DGKD: variants seen among roughly 807,000 people sequenced by gnomAD.
DGKD encodes the protein DAG kinase delta.
DGKD carries 68 observed loss-of-function variants against 154.4 expected under a neutral mutation model. The ratio of observed to expected loss-of-function variants is 0.44; its 90% CI spans 0.36 to 0.54. DGKD has a LOEUF of 0.54. DGKD is among the 20% of genes least tolerant of loss of function. The pLI is 0.00. For missense variants in DGKD, 1,343 were observed against 1,593.6 expected, an observed-to-expected ratio of 0.84 and a Z score of 2.68; for synonymous variants, 693 against 638.0, an observed-to-expected ratio of 1.09 and a Z score of -1.30.
rs752123560 is a variant in DGKD at position 233,377,901 on chromosome 2, C to CCT, written c.157-10353_157-10352dup. 4.7e-4 allele frequency among the ~76,000 whole-genome samples: 71 copies of CCT among 152,082 alleles called. 1 individual carries two copies. The highest frequency in any genetic ancestry group is 2.0e-4 in the Admixed American group (3 of 15,270). On this transcript the variant is annotated intron_variant, in intron 1 of 29. Coordinates refer to ENST00000264057, the MANE Select transcript of DGKD (RefSeq NM_152879.3). ...TCACAGCTCACCGCAGCAGCCTCGA[C>CCT]CTCTTGGGCTCAGGTGATCCTCCCA... is the stretch of plus-strand genomic sequence containing the variant.
Position 233,470,887 on chromosome 2 carries a change from G to A in DGKD, c.*1427G>A, listed in dbSNP as rs962805068. ...CTCCCAAAGAGAAGGACAGTGTTGG[G>A]AGTATCTGCCGGCGCTGTCCAGGTC... On this transcript the variant is annotated 3_prime_UTR_variant, in exon 30 of 30. Coordinates refer to ENST00000264057, the MANE Select transcript of DGKD (RefSeq NM_152879.3). The A allele has an allele frequency of 2.6e-5, 4 of 151,192 alleles. No homozygotes were observed. Among genetic ancestry groups the A allele is most frequent in the African/African-American group, 9.7e-5 (4 of 41,052 alleles). 9.4% of individuals were successfully genotyped at this position (151,192 alleles called of 1,614,324 possible).
At chr2:233,432,352 CGTCTCT>C (rs2062551049) in intron 3 of DGKD, among the ~76,000 whole-genome samples, 7 of 133,298 alleles carry the variant, frequency 5.3e-5, no homozygotes, top group Non-Finnish European at 8.1e-5. Context: ...GGTGAAACCT[CGTCTCT>C]ACTAAAAATA....
chr2:233,428,742 A>G (rs1055909629), intron 3 of DGKD, among the ~76,000 whole-genome samples: 1 of 152,182 alleles, frequency 6.6e-6, no homozygotes, highest in Non-Finnish European at 1.5e-5. Context: ...TGCTTCTAGC[A>G]TCACTTTTCT....
intron 3 of DGKD, among the ~76,000 whole-genome samples, chr2:233,420,218 C>CT (rs1363002018): frequency 6.6e-6 from 1 of 152,186 alleles, no homozygotes; most frequent in East Asian, 1.9e-4. Flanking sequence ...TCAGCAGAGT[C>CT]TGGCTACTGG....
At position 233,390,393 on chromosome 2, in the gene DGKD, C is replaced by A; in HGVS notation, c.268-10C>A. 6.2e-7 allele frequency: 1 copy of A among 1,612,770 alleles called. No individual in the cohort carries two copies. Among genetic ancestry groups the A allele is most frequent in the South Asian group, 1.1e-5 (1 of 90,936 alleles). The stretch of plus-strand genomic sequence containing the variant: ...TATGTGCCTTAGTCCCTGTGTTTGT[C>A]TCTTTCTAGTCAATCATATTTGATG... On this transcript the variant is annotated splice_polypyrimidine_tract_variant and intron_variant, in intron 2 of 29. Transcript: ENST00000264057.
chr2:233,460,753 G>A (rs1243792077), intron 24 of DGKD, among the ~76,000 whole-genome samples: 1 of 152,168 alleles, frequency 6.6e-6, no homozygotes, highest in African/African-American at 2.4e-5. Flanking sequence ...TTAGCTGGGT[G>A]TGGTGGCGGG....
chr2:233,400,273 C>T (rs564504703), intron 3 of DGKD, among the ~76,000 whole-genome samples: 1 of 152,366 alleles, frequency 6.6e-6, no homozygotes, highest in East Asian at 1.9e-4. Flanking sequence ...GGCGTGGGTG[C>T]TCCCCATAGC....
rs2062857778 is a variant in DGKD at position 233,440,731 on chromosome 2, C to T, written c.1086-1156C>T. Among the ~76,000 whole-genome samples the T allele has an allele frequency of 6.6e-6, 1 of 152,242 alleles. No homozygotes were observed. The highest frequency in any genetic ancestry group is 2.1e-4 in the South Asian group (1 of 4,838). On this transcript the variant is annotated intron_variant, in intron 9 of 29. Coordinates refer to ENST00000264057, the MANE Select transcript of DGKD (RefSeq NM_152879.3). This position sits in a 1 kb window ranked among gnomAD's most constrained non-coding sequence, Gnocchi z 4.9. ...TGCTGGCCAAGAGGTTCGACTCCTT[C>T]CTGCAAATGAGGGGCAGCCTCATAA...
At chr2:233,455,162 C>T (rs2063416913) in intron 19 of DGKD, among the ~76,000 whole-genome samples, 1 of 152,222 alleles carries the variant, frequency 6.6e-6, no homozygotes, top group Non-Finnish European at 1.5e-5. Context: ...CGTGATACTA[C>T]AGAAAAGCGG....
chr2:233,471,229 A>G lies in DGKD; in HGVS notation c.*1769A>G, dbSNP rs898515709. On this transcript the variant is annotated 3_prime_UTR_variant, in exon 30 of 30. Transcript: ENST00000264057. ...CGACGTGTTGGGATTTTTGGATGAA[A>G]GACTCTCCCACGCTCTGTTGGTGGA... 2.0e-5 allele frequency: 3 copies of G among 152,398 alleles called. No individual in the cohort carries two copies. Among genetic ancestry groups the G allele is most frequent in the African/African-American group, 7.2e-5 (3 of 41,462 alleles). The allele number at this position is 152,398 out of a possible 1,614,324, so 9.4% of individuals were successfully genotyped here. A position where few individuals can be genotyped will look rare whatever the true frequency, so the allele number is the denominator to read the frequency against.
At chr2:233,426,302 T>TC (rs956680672) in intron 3 of DGKD, among the ~76,000 whole-genome samples, 1 of 152,208 alleles carries the variant, frequency 6.6e-6, no homozygotes, top group African/African-American at 2.4e-5. Flanking sequence ...ACTTTTCTTT[T>TC]GAGTTATGTG....
At chr2:233,467,289 G>A in intron 28 of DGKD, 86 bp downstream of exon 28, 1 of 959,040 alleles carries the variant, frequency 1.0e-6, no homozygotes, top group Non-Finnish European at 1.7e-6. Flanking sequence ...TTCTCCCTTG[G>A]CCTTGCAGCT....
intron 3 of DGKD, among the ~76,000 whole-genome samples, chr2:233,404,616 T>G (rs898829465): frequency 2.6e-4 from 39 of 152,040 alleles, no homozygotes; most frequent in African/African-American, 8.7e-4. Flanking sequence ...CCATTTTAGA[T>G]AGATCATCAT....
chr2:233,456,222 C>T (rs911427591), intron 19 of DGKD, among the ~76,000 whole-genome samples: 4 of 152,186 alleles, frequency 2.6e-5, no homozygotes, highest in African/African-American at 9.7e-5. Context: ...CGTGTCATTT[C>T]CAGAGCTCAG....
rs115232856 is a variant in DGKD, at chr2:233,360,715, C to T, written c.156+6041C>T. Among the ~76,000 whole-genome samples the T allele has an allele frequency of 5.0e-3, 757 of 152,208 alleles. 10 individuals are homozygous for T. Among genetic ancestry groups the T allele is most frequent in the African/African-American group, 0.017 (714 of 41,524 alleles). ...ATTAAAGATTTTGAGAGTAAATCAT[C>T]GTGAACTTAGGAGAAACTCTAAATC... On this transcript the variant is annotated intron_variant, in intron 1 of 29. Coordinates refer to ENST00000264057, the MANE Select transcript of DGKD (RefSeq NM_152879.3).
rs115745681 is a variant in DGKD, at chr2:233,384,713, C to G, written c.157-3544C>G. Among the ~76,000 whole-genome samples the G allele has an allele frequency of 8.5e-4, 129 of 152,288 alleles. No homozygotes were observed. In the South Asian group the frequency reaches 0.012, roughly 14 times the overall value. On this transcript the variant is annotated intron_variant, in intron 1 of 29. Coordinates refer to ENST00000264057, the MANE Select transcript of DGKD (RefSeq NM_152879.3). ...CCCAGACTCTTGTCATCAGCTCCCC[C>G]CTTATGCGAGTTTCTGGAGTGTTCT...
rs904808528 is a variant in DGKD, at chr2:233,458,170, G to C, written c.2581-114G>C. On this transcript the variant is annotated intron_variant, in intron 21 of 29. Transcript: ENST00000264057. This position sits in a 1 kb window ranked among gnomAD's most constrained non-coding sequence, Gnocchi z 6.6. The stretch of plus-strand genomic sequence containing the variant: ...AGCCCGTCAGGAGTGCAGTTACCTG[G>C]TAACTTCTCGCCAGCTAGGAGGGGC... The C allele has an allele frequency of 3.3e-6, 2 of 612,988 alleles. No homozygotes were observed. Among genetic ancestry groups the C allele is most frequent in the African/African-American group, 1.8e-5 (1 of 55,214 alleles). The allele number at this position is 612,988 out of a possible 1,614,324, so 38.0% of individuals were successfully genotyped here.
chr2:233,446,105 T>TG (rs1229727110), intron 11 of DGKD, among the ~76,000 whole-genome samples: 2 of 152,252 alleles, frequency 1.3e-5, no homozygotes, highest in African/African-American at 4.8e-5. Context: ...GTCGTTTACT[T>TG]GAACAGTTTC....
chr2:233,442,912 C>CT (rs1559555539), intron 10 of DGKD, among the ~76,000 whole-genome samples: 1 of 151,712 alleles, frequency 6.6e-6, no homozygotes, highest in Non-Finnish European at 1.5e-5. Context: ...CCTGTTACTG[C>CT]TTTTAAAAAA....
Sources: gnomAD v4.1 joint callset for allele counts (sites outside exome capture counted in the v4.1 genomes callset) on GRCh38, gnomAD v4.1.1 for gene constraint, Gnocchi (gnomAD v3.1) non-coding constraint, MANE v1.5 for transcripts, NCBI Gene and HGNC (gene_info 2026-07-23, HGNC 2026-07-21) for gene names.